Variants in SEMA6D observed in about 807,000 individuals in gnomAD.
The protein encoded by SEMA6D is semaphorin-6D.
A neutral mutation model predicts 106.6 loss-of-function variants in SEMA6D; 35 were observed. That is an observed-to-expected ratio of 0.33 (90% confidence interval 0.25 to 0.44). The LOEUF (loss-of-function observed/expected upper bound fraction) is 0.44. Ranked by LOEUF, SEMA6D falls within the 20% of genes least tolerant of loss-of-function variation. SEMA6D has a pLI of 1.00. For missense variants in SEMA6D, 1,185 were observed against 1,345.9 expected (o/e 0.88, Z 1.87); for synonymous variants, 499 against 487.7 (o/e 1.02, Z -0.31).
intron 4 of SEMA6D, among the ~76,000 whole-genome samples, chr15:47,677,666 G>A (rs1276072637): frequency 6.6e-6 from 1 of 152,126 alleles, no homozygotes. Flanking sequence ...TGAGCGCCAG[G>A]ATCTCCTATT....
At chr15:47,425,868 C>T (rs1267877211) in intron 2 of SEMA6D, among the ~76,000 whole-genome samples, 1 of 151,936 alleles carries the variant, frequency 6.6e-6, no homozygotes, top group African/African-American at 2.4e-5. Flanking sequence ...TTATTCTCTT[C>T]CATTTATGAT....
intron 1 of SEMA6D, among the ~76,000 whole-genome samples, chr15:47,193,533 A>G (rs925345953): frequency 3.9e-5 from 6 of 152,202 alleles, no homozygotes; most frequent in African/African-American, 2.4e-5. Context: ...AAATTGGATT[A>G]TACTCTTCTC....
At chr15:47,393,192 C>G (rs1415042237) in intron 1 of SEMA6D, 1 of 152,184 alleles carries the variant, frequency 6.6e-6, no homozygotes, top group Non-Finnish European at 1.5e-5. Flanking sequence ...TCTTATCCTT[C>G]AAGCATATGC....
At chr15:47,493,611 C>CA (rs2043542012) in intron 3 of SEMA6D, among the ~76,000 whole-genome samples, 1 of 152,128 alleles carries the variant, frequency 6.6e-6, no homozygotes, top group Non-Finnish European at 1.5e-5. Context: ...CACAATTACA[C>CA]CACCTAACAG....
chr15:47,694,285 C>T (rs2078653829), intron 4 of SEMA6D, among the ~76,000 whole-genome samples: 1 of 152,014 alleles, frequency 6.6e-6, no homozygotes. Flanking sequence ...TCAAGAGAAT[C>T]TGAAAAATTA....
At chr15:47,284,239 C>T (rs2035257110) in intron 1 of SEMA6D, among the ~76,000 whole-genome samples, 1 of 152,152 alleles carries the variant, frequency 6.6e-6, no homozygotes, top group Non-Finnish European at 1.5e-5. Flanking sequence ...TGTGCTTGAA[C>T]CTATTGTTTA....
At chr15:47,680,728 T>G (rs1240752949) in intron 4 of SEMA6D, among the ~76,000 whole-genome samples, 1 of 152,150 alleles carries the variant, frequency 6.6e-6, no homozygotes, top group Non-Finnish European at 1.5e-5. Context: ...ATAAGGAACT[T>G]ATACAACTCA....
chr15:47,305,981 T>G (rs915581629), intron 1 of SEMA6D, among the ~76,000 whole-genome samples: 1 of 152,122 alleles, frequency 6.6e-6, no homozygotes, highest in Non-Finnish European at 1.5e-5. Flanking sequence ...CTCATCTTTT[T>G]TTTTTCTTTT....
chr15:47,275,654 C>T (rs28618329), intron 1 of SEMA6D, among the ~76,000 whole-genome samples: 55,714 of 151,922 alleles, frequency 0.37, 10,610 homozygotes, highest in Middle Eastern at 0.51. Flanking sequence ...CACCAACCTG[C>T]TATTCTCCCT....
Position 47,394,403 on chromosome 15 carries a change from C to T in SEMA6D, c.-238-17990C>T, listed in dbSNP as rs148222857. Among the ~76,000 whole-genome samples, 4 of 152,258 alleles carry T rather than the reference C, an allele frequency of 2.6e-5. No individual in the cohort carries two copies. The East Asian group carries it at 7.7e-4, about 29-fold the overall frequency. On this transcript the variant is annotated intron_variant, in intron 1 of 19. Coordinates refer to the SEMA6D transcript ENST00000558014. Reference sequence around the variant, plus strand: ...CAATTACATTTAATACTTAGTACAACTTTGCAACCAGAATGCAGACAGATT... The same window carrying T: ...CAATTACATTTAATACTTAGTACAATTTTGCAACCAGAATGCAGACAGATT...
At chr15:47,203,982 G>A (rs1263695910) in intron 1 of SEMA6D, among the ~76,000 whole-genome samples, 2 of 152,134 alleles carry the variant, frequency 1.3e-5, no homozygotes, top group Non-Finnish European at 2.9e-5. Context: ...AAAATATCTA[G>A]CAGTAACCAT....
At chr15:47,370,569 G>C (rs2039232912) in intron 1 of SEMA6D, among the ~76,000 whole-genome samples, 1 of 151,424 alleles carries the variant, frequency 6.6e-6, no homozygotes, top group Non-Finnish European at 1.5e-5. Flanking sequence ...TATGGGCTGG[G>C]TGCGGTGGCT....
chr15:47,594,743 T>C (rs758190453), intron 3 of SEMA6D, among the ~76,000 whole-genome samples: 2 of 152,100 alleles, frequency 1.3e-5, no homozygotes, highest in Non-Finnish European at 2.9e-5. Flanking sequence ...TAATTAGAAA[T>C]AGCCAAAATG....
intron 3 of SEMA6D, among the ~76,000 whole-genome samples, chr15:47,524,206 A>G (rs1241782121): frequency 6.6e-6 from 1 of 152,184 alleles, no homozygotes; most frequent in Non-Finnish European, 1.5e-5. Flanking sequence ...GAATGTTGCC[A>G]TATCTAGGTA....
At position 47,770,635 on chromosome 15, in the gene SEMA6D, T is replaced by C; in HGVS notation, c.2072T>C (p.Val691Ala). 1 of 1,614,032 alleles carries C rather than the reference T, an allele frequency of 6.2e-7. No individual in the cohort carries two copies. The highest frequency in any genetic ancestry group is 8.5e-7 in the Non-Finnish European group (1 of 1,179,968). The change falls in exon 19 of 19, where the codon GTT becomes GCT. Residue 691 changes from valine (V) to alanine (A), a missense_variant. By Grantham distance (64) the Val-to-Ala change is moderately conservative. Coordinates refer to ENST00000536845, the MANE Select transcript of SEMA6D (RefSeq NM_001358351.3). ...VAVYCYRDMF[V>A]RKNRKIHKDA... ...GTATACTGCTATCGAGACATGTTTG[T>C]TCGGAAAAACAGAAAGATCCATAAA...
chr15:47,673,812 G>C (rs2078185767), intron 4 of SEMA6D, among the ~76,000 whole-genome samples: 2 of 152,162 alleles, frequency 1.3e-5, no homozygotes, highest in Non-Finnish European at 2.9e-5. Context: ...CCTACCCCCA[G>C]GATAGCTTAC....
chr15:47,388,192 A>G (rs2039905438), intron 1 of SEMA6D, among the ~76,000 whole-genome samples: 1 of 152,140 alleles, frequency 6.6e-6, no homozygotes, highest in African/African-American at 2.4e-5. Context: ...CAATCAATGA[A>G]TATATACCCA....
chr15:47,537,041 A>C (rs1243535494), intron 3 of SEMA6D, among the ~76,000 whole-genome samples: 1 of 152,234 alleles, frequency 6.6e-6, no homozygotes, highest in Non-Finnish European at 1.5e-5. Context: ...AGGTGGTATA[A>C]GAAGCATCTT....
intron 1 of SEMA6D, among the ~76,000 whole-genome samples, chr15:47,366,279 G>A (rs1254059399): frequency 6.6e-6 from 1 of 152,200 alleles, no homozygotes; most frequent in Non-Finnish European, 1.5e-5. Context: ...AGAGTGCACT[G>A]TGACTTCAGG....
Sources: gnomAD v4.1 joint callset for allele counts (sites outside exome capture counted in the v4.1 genomes callset) on GRCh38, gnomAD v4.1.1 for gene constraint, MANE v1.5 for transcripts, NCBI Gene and HGNC (gene_info 2026-07-23, HGNC 2026-07-21) for gene names.